The following SOX5 variants were observed in gnomAD, a reference collection of about 807,000 sequenced individuals.
SOX5 encodes transcription factor SOX-5.
In SOX5, 9 loss-of-function variants were observed where a neutral mutation model predicts 92.0. The ratio of observed to expected loss-of-function variants is 0.10; its 90% CI spans 0.06 to 0.17. The LOEUF is 0.17. SOX5 is among the 10% of genes least tolerant of loss of function. The pLI is 1.00. For missense variants in SOX5, 642 were observed against 944.5 expected, an observed-to-expected ratio of 0.68 and a Z score of 4.20; for synonymous variants, 344 against 336.3, an observed-to-expected ratio of 1.02 and a Z score of -0.25.
chr12:24,100,650 A>G (rs534015573), intron 4 of SOX5, among the ~76,000 whole-genome samples: 2 of 152,094 alleles, frequency 1.3e-5, no homozygotes, highest in African/African-American at 4.8e-5. Flanking sequence ...TCTAACCCAA[A>G]TTTTTTCCAC....
chr12:23,990,150 G>A (rs1309018386), intron 4 of SOX5, among the ~76,000 whole-genome samples: 1 of 152,110 alleles, frequency 6.6e-6, no homozygotes, highest in Non-Finnish European at 1.5e-5. Flanking sequence ...AAAAGACTGA[G>A]CTATAGATTA....
intron 6 of SOX5, among the ~76,000 whole-genome samples, chr12:23,682,224 CA>C (rs1327992589): frequency 6.6e-6 from 1 of 151,610 alleles, no homozygotes; most frequent in Non-Finnish European, 1.5e-5. Context: ...TAGTGCTGTA[CA>C]AAAATATGAT....
chr12:23,832,431 C>T (rs73263734), intron 3 of SOX5, among the ~76,000 whole-genome samples: 202 of 151,842 alleles, frequency 1.3e-3, no homozygotes, highest in African/African-American at 4.8e-3. Context: ...TCCGGTGTTT[C>T]GGTATATAAA....
intron 3 of SOX5, among the ~76,000 whole-genome samples, chr12:24,235,124 G>A (rs1032113348): frequency 5.9e-5 from 9 of 152,204 alleles, no homozygotes; most frequent in East Asian, 3.9e-4. Flanking sequence ...AAAAGACTTC[G>A]GGATGGCCCT....
At chr12:24,112,433 A>G (rs1448956941) in intron 4 of SOX5, among the ~76,000 whole-genome samples, 1 of 151,970 alleles carries the variant, frequency 6.6e-6, no homozygotes, top group Non-Finnish European at 1.5e-5. Context: ...CTTTACAGAA[A>G]AGGTCTGTTG....
chr12:23,623,393 AC>A lies in SOX5; in HGVS notation c.1017+17418del. ...GTTTTGCACATTGTTTAATCTGCAT[AC>A]CAATACCATGGGGCAGGAAATATTA... is the stretch of plus-strand genomic sequence containing the variant. On this transcript the variant is annotated intron_variant, in intron 8 of 14. Coordinates refer to ENST00000451604, the MANE Select transcript of SOX5 (RefSeq NM_006940.6). 2.0e-5 allele frequency among the ~76,000 whole-genome samples: 3 copies of A among 152,250 alleles called. No homozygotes were observed. In the East Asian group the frequency reaches 5.8e-4, roughly 29 times the overall value.
chr12:24,459,444 T>C (rs1368189698), intron 1 of SOX5, among the ~76,000 whole-genome samples: 2 of 152,198 alleles, frequency 1.3e-5, no homozygotes, highest in Non-Finnish European at 2.9e-5. Context: ...TTGCAATCAA[T>C]TTCTTGTGCT....
At position 24,494,070 on chromosome 12, in the gene SOX5, T is replaced by C. The variant is rs141709083; in HGVS notation, c.-251+68259A>G. Reference sequence around the variant, plus strand: ...TAATGATATCTATTGAGATTCCCTGTCCACAGTGAAAATAACTTCAGGATT... The same window carrying C: ...TAATGATATCTATTGAGATTCCCTGCCCACAGTGAAAATAACTTCAGGATT... On this transcript the variant is annotated intron_variant, in intron 1 of 4. Coordinates refer to the SOX5 transcript ENST00000446891. Among the ~76,000 whole-genome samples the C allele has an allele frequency of 5.4e-3, 829 of 152,298 alleles. 6 individuals are homozygous for C. The highest frequency in any genetic ancestry group is 0.034 in the Middle Eastern group (10 of 294).
intron 1 of SOX5, among the ~76,000 whole-genome samples, chr12:24,541,051 C>T (rs1952078638): frequency 1.3e-5 from 2 of 152,150 alleles, no homozygotes; most frequent in South Asian, 4.1e-4. Context: ...TTACAACAAG[C>T]CCCAGTCTGT....
intron 4 of SOX5, among the ~76,000 whole-genome samples, chr12:24,038,388 C>G (rs1395136743): frequency 1.3e-5 from 2 of 152,140 alleles, no homozygotes; most frequent in Admixed American, 6.6e-5. Context: ...TATTGTGATT[C>G]CCAGTGACCC....
chr12:24,053,290 G>A (rs1009999050), intron 4 of SOX5, among the ~76,000 whole-genome samples: 4 of 151,312 alleles, frequency 2.6e-5, no homozygotes, highest in Non-Finnish European at 4.4e-5. Flanking sequence ...ACCACACTTG[G>A]CCAATTTTTT....
At chr12:24,506,997 A>G (rs1482551512) in intron 1 of SOX5, among the ~76,000 whole-genome samples, 1 of 151,776 alleles carries the variant, frequency 6.6e-6, no homozygotes, top group Non-Finnish European at 1.5e-5. Flanking sequence ...TCACCTTGTT[A>G]GCCAGGATGG....
intron 8 of SOX5, among the ~76,000 whole-genome samples, chr12:23,614,946 C>T (rs1307970366): frequency 6.6e-6 from 1 of 152,102 alleles, no homozygotes; most frequent in African/African-American, 2.4e-5. Context: ...GGATTACAGG[C>T]GTGTGCCACC....
In SOX5 at chr12:23,563,254, T is replaced by C. The variant is rs528591813; in HGVS notation, c.1488+4A>G. ...CTAGAAAGTAAGTTATTTTATGAACTGACCTTTTCTGTTCGGCAGTTATTG... is the reference window on the plus strand; with the variant it reads ...CTAGAAAGTAAGTTATTTTATGAACCGACCTTTTCTGTTCGGCAGTTATTG... On this transcript the variant is annotated splice_donor_region_variant and intron_variant, in intron 11 of 14. Transcript: ENST00000451604. The C allele has an allele frequency of 6.2e-7, 1 of 1,602,464 alleles. No homozygotes were observed. The highest frequency in any genetic ancestry group is 1.3e-5 in the African/African-American group (1 of 74,324).
intron 4 of SOX5, among the ~76,000 whole-genome samples, chr12:24,209,812 A>C (rs530524207): frequency 5.9e-5 from 9 of 151,778 alleles, no homozygotes; most frequent in African/African-American, 2.2e-4. Context: ...AGGTCAGGAG[A>C]TCGAGACCAT....
chr12:24,226,746 C>G (rs780504175), intron 3 of SOX5, among the ~76,000 whole-genome samples: 68 of 152,188 alleles, frequency 4.5e-4, no homozygotes, highest in Non-Finnish European at 2.2e-4. Context: ...GCTAGGATTA[C>G]AGGCGTGAGC....
rs145097227 is a variant in SOX5, at chr12:24,149,913, G to A, written c.-2+63430C>T. On this transcript the variant is annotated intron_variant, in intron 4 of 4. Transcript: ENST00000446891. The stretch of plus-strand genomic sequence containing the variant: ...ATGGTGAGTAAAACCAGATGCCTCC[G>A]TCACAAAAAAGAACATTGAAAAAAA... Among the ~76,000 whole-genome samples the A allele has an allele frequency of 7.0e-4, 107 of 151,962 alleles. 1 individual carries two copies. In the East Asian group the frequency reaches 0.014, roughly 19 times the overall value.
At chr12:24,419,127 G>T (rs77817598) in intron 1 of SOX5, among the ~76,000 whole-genome samples, 2 of 151,910 alleles carry the variant, frequency 1.3e-5, no homozygotes, top group African/African-American at 4.8e-5. Flanking sequence ...GGAGAAGAAA[G>T]ATTTTTTTTT....
At position 24,398,000 on chromosome 12, in the gene SOX5, C is replaced by T. The variant is rs539155138; in HGVS notation, c.-250-29361G>A. Among the ~76,000 whole-genome samples the T allele has an allele frequency of 2.7e-4, 41 of 152,076 alleles. 2 individuals carry two copies. The highest frequency in any genetic ancestry group is 9.4e-4 in the African/African-American group (39 of 41,446). ...AAGTAGCTGGGACTACAGGTGCCCG[C>T]CACCATGCCTGACTAATTTTTTTGT... On this transcript the variant is annotated intron_variant, in intron 1 of 4. Coordinates refer to the SOX5 transcript ENST00000446891.
Sources: gnomAD v4.1 joint callset for allele counts (sites outside exome capture counted in the v4.1 genomes callset) on GRCh38, gnomAD v4.1.1 for gene constraint, MANE v1.5 for transcripts, NCBI Gene and HGNC (gene_info 2026-07-23, HGNC 2026-07-21) for gene names.